The following AMZ1 variants were observed in gnomAD, a reference collection of about 807,000 sequenced individuals.
AMZ1 encodes the protein archaelysin family metallopeptidase 1.
In AMZ1, 39 loss-of-function variants were observed where a neutral mutation model predicts 29.9. That is an observed-to-expected ratio of 1.30 (90% CI 1.01 to 1.70). The LOEUF (loss-of-function observed/expected upper bound fraction) is 1.70. Among genes scored for constraint, AMZ1 ranks in the 40% most tolerant of loss-of-function variants. AMZ1 has a pLI of 0.00. For missense variants in AMZ1, 1,041 were observed against 680.6 expected, an observed-to-expected ratio of 1.53 and a Z score of -5.89; for synonymous variants, 458 against 304.0, an observed-to-expected ratio of 1.51 and a Z score of -5.27.
At chr7:2,724,263 GC>G (rs1789537813), downstream of AMZ1, among the ~76,000 whole-genome samples, 1 of 152,230 alleles carries the variant, frequency 6.6e-6, no homozygotes, top group Non-Finnish European at 1.5e-5. Context: ...GTCTAAGCCA[GC>G]TGGGGCTCAC....
intron 1 of AMZ1, among the ~76,000 whole-genome samples, chr7:2,689,193 C>G (rs561197752): frequency 1.3e-5 from 2 of 152,312 alleles, no homozygotes; most frequent in African/African-American, 2.4e-5. Context: ...TTTTGCAAAG[C>G]GCATTCAGAA....
At chr7:2,758,464 A>G (rs974394133) in intron 4 of AMZ1, among the ~76,000 whole-genome samples, 2 of 152,190 alleles carry the variant, frequency 1.3e-5, no homozygotes, top group African/African-American at 2.4e-5. Flanking sequence ...ACGAGCCTCA[A>G]TGACACACGC....
chr7:2,741,186 C>G (rs894950999), intron 4 of AMZ1, among the ~76,000 whole-genome samples: 1 of 152,210 alleles, frequency 6.6e-6, no homozygotes, highest in African/African-American at 2.4e-5. Flanking sequence ...ATTCCCCTGC[C>G]TCTAGATAAA....
intron 4 of AMZ1, among the ~76,000 whole-genome samples, chr7:2,734,584 G>A (rs747341280): frequency 1.3e-5 from 2 of 152,224 alleles, no homozygotes; most frequent in South Asian, 2.1e-4. Context: ...GGAGAAAGGC[G>A]GCCAGCACCT....
chr7:2,689,314 A>G (rs185563584), intron 1 of AMZ1, among the ~76,000 whole-genome samples: 203 of 151,884 alleles, frequency 1.3e-3, no homozygotes, highest in African/African-American at 4.6e-3. Context: ...GACCTTGGAT[A>G]CCTGGTTACT....
At chr7:2,690,155 G>A (rs1418372019) in intron 1 of AMZ1, among the ~76,000 whole-genome samples, 1 of 152,176 alleles carries the variant, frequency 6.6e-6, no homozygotes, top group African/African-American at 2.4e-5. Context: ...CTTGGAGCCT[G>A]TCACACCATT....
chr7:2,702,511 A>C (rs567502878), intron 2 of AMZ1: 2 of 593,724 alleles, frequency 3.4e-6, no homozygotes, highest in Non-Finnish European at 5.9e-6. Context: ...TCATCTGTGC[A>C]TGAATCTTTC....
chr7:2,722,029 C>T (rs1314078201), downstream of AMZ1, among the ~76,000 whole-genome samples: 1 of 152,188 alleles, frequency 6.6e-6, no homozygotes, highest in Admixed American at 6.5e-5. Flanking sequence ...CTGCACAGAG[C>T]ACTCGGTTCC....
chr7:2,691,426 G>T (rs1188857220), intron 1 of AMZ1, among the ~76,000 whole-genome samples: 2 of 148,614 alleles, frequency 1.3e-5, no homozygotes, highest in Non-Finnish European at 2.9e-5. Context: ...TGGCTTTGGA[G>T]GTCGGACAAG....
chr7:2,740,860 T>TGGTGAAACCCTG (rs1790463573), intron 4 of AMZ1, among the ~76,000 whole-genome samples: 1 of 152,160 alleles, frequency 6.6e-6, no homozygotes, highest in South Asian at 2.1e-4. Flanking sequence ...CTGACTAGCA[T>TGGTGAAACCCTG]GGTGAAACCC....
intron 1 of AMZ1, among the ~76,000 whole-genome samples, chr7:2,696,989 T>A (rs1440382627): frequency 6.6e-6 from 1 of 152,198 alleles, no homozygotes; most frequent in African/African-American, 2.4e-5. Context: ...CCTTCAAACA[T>A]CCACATGTGG....
At chr7:2,739,367 C>A (rs970609440) in intron 4 of AMZ1, among the ~76,000 whole-genome samples, 1 of 152,166 alleles carries the variant, frequency 6.6e-6, no homozygotes, top group Non-Finnish European at 1.5e-5. Flanking sequence ...CTCATTGGAG[C>A]GCATTCACAC....
At chr7:2,687,370 C>T (rs1490919941), upstream of AMZ1, among the ~76,000 whole-genome samples, 1 of 151,680 alleles carries the variant, frequency 6.6e-6, no homozygotes, top group African/African-American at 2.4e-5. Context: ...ACGATGGTGA[C>T]GAATCCCTCA....
At chr7:2,684,745 G>C (rs963105132), upstream of AMZ1, among the ~76,000 whole-genome samples, 3 of 152,200 alleles carry the variant, frequency 2.0e-5, no homozygotes, top group African/African-American at 7.2e-5. Flanking sequence ...CGGGGGTCCT[G>C]GCACTGGGCA....
downstream of AMZ1, among the ~76,000 whole-genome samples, chr7:2,719,683 A>ATTT (rs11426798): frequency 1.4e-5 from 2 of 147,324 alleles, no homozygotes; most frequent in Non-Finnish European, 3.0e-5. Flanking sequence ...ATCAACCCCA[A>ATTT]TTTTTTTTTT....
intron 3 of AMZ1, among the ~76,000 whole-genome samples, 188 bp downstream of exon 3, chr7:2,703,077 G>C (rs2115118172): frequency 6.6e-6 from 1 of 152,330 alleles, no homozygotes; most frequent in East Asian, 1.9e-4. Flanking sequence ...GAGTGTCTGG[G>C]GACCTGACCA....
chr7:2,749,925 C>T (rs993575137), intron 4 of AMZ1, among the ~76,000 whole-genome samples: 1 of 152,012 alleles, frequency 6.6e-6, no homozygotes, highest in Non-Finnish European at 1.5e-5. Flanking sequence ...TCCTAAAGGC[C>T]TAATACACAA....
intron 2 of AMZ1, among the ~76,000 whole-genome samples, chr7:2,701,003 A>G (rs1207485400): frequency 6.6e-6 from 1 of 152,188 alleles, no homozygotes; most frequent in Non-Finnish European, 1.5e-5. Flanking sequence ...GTGTGGCCTC[A>G]TCCAGATGTG....
In AMZ1 at chr7:2,712,823, G is replaced by A. The variant is rs759528870; in HGVS notation, c.1442G>A (p.Arg481Gln). ...FSSLRRKLSA[R>Q]KLARAESAPR... ...TCCCTGAGGAGGAAGCTGAGTGCCCGAAAACTCGCCAGAGCAGAGTCGGCC... is the reference window on the plus strand; with the variant it reads ...TCCCTGAGGAGGAAGCTGAGTGCCCAAAAACTCGCCAGAGCAGAGTCGGCC... Residue 481 changes from arginine (R) to glutamine (Q), a missense_variant, in exon 7 of 7, where the codon CGA becomes CAA. Arg to Gln is a conservative substitution (Grantham distance 43, BLOSUM62 1). Coordinates refer to ENST00000683327, the MANE Select transcript of AMZ1 (RefSeq NM_001384743.1). The A allele has an allele frequency of 4.6e-4, 704 of 1,536,660 alleles. 7 individuals carry two copies. Among genetic ancestry groups the A allele is most frequent in the East Asian group, 1.8e-4 (8 of 44,114 alleles).
Sources: gnomAD v4.1 joint callset for allele counts (sites outside exome capture counted in the v4.1 genomes callset) on GRCh38, gnomAD v4.1.1 for gene constraint, MANE v1.5 for transcripts, NCBI Gene and HGNC (gene_info 2026-07-23, HGNC 2026-07-21) for gene names.